Variants in EBF1 observed in about 807,000 individuals in gnomAD.
The protein encoded by EBF1 is transcription factor COE1.
Under a neutral mutation model 68.4 loss-of-function variants are expected in EBF1, and 10 were observed. That is an observed-to-expected ratio of 0.15 (90% confidence interval 0.09 to 0.25). The LOEUF (loss-of-function observed/expected upper bound fraction) is 0.25, where lower values mean the gene tolerates loss of function less well. EBF1 is among the 10% of genes least tolerant of loss of function. The pLI is 1.00. For missense variants in EBF1, 509 were observed against 794.4 expected (o/e 0.64, Z 4.32); for synonymous variants, 298 against 299.8 (o/e 0.99, Z 0.06).
chr5:159,070,175 A>G (rs1414667278), intron 6 of EBF1, among the ~76,000 whole-genome samples: 1 of 152,190 alleles, frequency 6.6e-6, no homozygotes, highest in Non-Finnish European at 1.5e-5. Context: ...AAATATCTGG[A>G]TCACTGAGTG....
At chr5:158,704,396 T>C (rs1298781461) in intron 15 of EBF1, among the ~76,000 whole-genome samples, 1 of 152,154 alleles carries the variant, frequency 6.6e-6, no homozygotes, top group Non-Finnish European at 1.5e-5. Context: ...TGGAGGTAAA[T>C]AGGCCTTGAA....
chr5:158,763,786 G>A (rs1561857726), intron 10 of EBF1, among the ~76,000 whole-genome samples: 1 of 152,130 alleles, frequency 6.6e-6, no homozygotes, highest in Non-Finnish European at 1.5e-5. Context: ...TATTCACAAA[G>A]TAATTAGTAA....
chr5:159,024,063 T>C (rs1023360417), intron 6 of EBF1, among the ~76,000 whole-genome samples: 2 of 152,108 alleles, frequency 1.3e-5, no homozygotes, highest in African/African-American at 4.8e-5. Context: ...CAGAACCTTA[T>C]CTCCTAAGAA....
intron 8 of EBF1, 23 bp downstream of exon 8, chr5:158,823,149 GCCAA>G: frequency 1.9e-6 from 3 of 1,613,722 alleles, no homozygotes; most frequent in Non-Finnish European, 2.5e-6. Flanking sequence ...AAGTAGCAAT[GCCAA>G]CCAATGAAAA....
intron 6 of EBF1, among the ~76,000 whole-genome samples, chr5:158,860,816 T>C (rs1441768154): frequency 6.6e-6 from 1 of 152,184 alleles, no homozygotes; most frequent in Non-Finnish European, 1.5e-5. Flanking sequence ...AAATCCCTTT[T>C]GCCTCAGAAC....
intron 6 of EBF1, among the ~76,000 whole-genome samples, chr5:158,858,429 T>C (rs1025633664): frequency 6.6e-6 from 1 of 152,186 alleles, no homozygotes; most frequent in African/African-American, 2.4e-5. Context: ...TGGATAACAA[T>C]GTCATCATTA....
At chr5:158,814,000 T>A (rs938909154) in intron 8 of EBF1, among the ~76,000 whole-genome samples, 9 of 152,074 alleles carry the variant, frequency 5.9e-5, no homozygotes, top group African/African-American at 2.2e-4. Flanking sequence ...GGCAAATCAA[T>A]GCAATTGGAA....
chr5:158,890,540 T>G (rs943949964), intron 6 of EBF1, among the ~76,000 whole-genome samples: 2 of 152,250 alleles, frequency 1.3e-5, no homozygotes, highest in Non-Finnish European at 2.9e-5. Flanking sequence ...CATACCTCAG[T>G]CATTTCTTTC....
At chr5:158,913,925 C>T (rs1583120527) in intron 6 of EBF1, among the ~76,000 whole-genome samples, 1 of 152,222 alleles carries the variant, frequency 6.6e-6, no homozygotes, top group East Asian at 1.9e-4. Context: ...AAATGAGCAA[C>T]CAGTTATTCA....
chr5:159,016,750 T>A (rs1583966033), intron 6 of EBF1, among the ~76,000 whole-genome samples: 1 of 152,248 alleles, frequency 6.6e-6, no homozygotes, highest in East Asian at 1.9e-4. Context: ...AAGCGTGAGA[T>A]CCATCTTTAG....
rs1418055540 is a variant in EBF1 at position 159,099,386 on chromosome 5, C to T, written c.93G>A (p.Met31Ile). ...GSGMNAVRTW[M>I]QGAGVLDANT... ...TGGCGTCCAGCACCCCGGCGCCCTG[C>T]ATCCACGTCCGCACCGCGTTCATGC... Residue 31 changes from methionine (M) to isoleucine (I), a missense_variant, in exon 1 of 16, where the codon ATG becomes ATA. Met to Ile is a conservative substitution (Grantham distance 10). Transcript: ENST00000313708. 6.3e-7 allele frequency: 1 copy of T among 1,598,480 alleles called. No individual in the cohort carries two copies. The highest frequency in any genetic ancestry group is 1.4e-5 in the African/African-American group (1 of 73,124).
At chr5:158,788,490 T>C (rs989814123) in intron 9 of EBF1, among the ~76,000 whole-genome samples, 15 of 152,288 alleles carry the variant, frequency 9.8e-5, no homozygotes, top group Admixed American at 5.9e-4. Flanking sequence ...AAAAGAAAGG[T>C]TGGAGTCAAG....
intron 11 of EBF1, among the ~76,000 whole-genome samples, chr5:158,720,555 C>A (rs1761723696): frequency 6.6e-6 from 1 of 151,946 alleles, no homozygotes; most frequent in East Asian, 1.9e-4. Flanking sequence ...TTTAGTTTCC[C>A]ATCCTCTGAG....
intron 4 of EBF1, among the ~76,000 whole-genome samples, chr5:159,086,590 T>C (rs952328965): frequency 6.6e-6 from 1 of 152,186 alleles, no homozygotes; most frequent in Non-Finnish European, 1.5e-5. Flanking sequence ...AGTTACATAC[T>C]TCAGGGCAGG....
intron 6 of EBF1, among the ~76,000 whole-genome samples, chr5:158,980,946 T>C (rs1757775474): frequency 6.6e-6 from 1 of 152,186 alleles, no homozygotes; most frequent in African/African-American, 2.4e-5. Context: ...GGCTATAATA[T>C]AATTGCTAAT....
In EBF1 at chr5:159,073,427, C is replaced by T. The variant is rs1318122719; in HGVS notation, c.523G>A (p.Glu175Lys). ...ATTATCACTGGATCTGAGGGAGTCT[C>T]ATTTCGGTTGCCACAGCTTTTCTTG... Reference protein sequence around the residue: ...CDKKSCGNRNETPSDPVIIDR... With the variant: ...CDKKSCGNRNKTPSDPVIIDR... Residue 175 changes from glutamate to lysine, a missense_variant, in exon 6 of 16, where the codon GAG (glutamate) becomes AAG (lysine). By Grantham distance (56) the Glu-to-Lys change is moderately conservative. Around this residue, in one of 3 missense-constraint regions of EBF1, gnomAD observed 230 missense variants for 467.7 expected, o/e 0.49. Coordinates refer to ENST00000313708, the MANE Select transcript of EBF1 (RefSeq NM_024007.5). The T allele has an allele frequency of 6.2e-7, 1 of 1,613,992 alleles. No homozygotes were observed. The highest frequency in any genetic ancestry group is 8.5e-7 in the Non-Finnish European group (1 of 1,179,966).
intron 2 of EBF1, 155 bp from the exon 3 acceptor site, chr5:159,096,561 C>A (rs955950576): frequency 6.6e-6 from 5 of 756,930 alleles, no homozygotes; most frequent in Admixed American, 2.3e-5. Context: ...CAATTGTGAT[C>A]CCTCCTCCGC....
intron 6 of EBF1, among the ~76,000 whole-genome samples, chr5:158,980,590 C>T (rs1235268521): frequency 6.6e-6 from 1 of 152,154 alleles, no homozygotes; most frequent in African/African-American, 2.4e-5. Flanking sequence ...ATCAACCCCC[C>T]GCAAGCTGTT....
chr5:159,006,185 G>A (rs1763504333), intron 6 of EBF1, among the ~76,000 whole-genome samples: 1 of 152,170 alleles, frequency 6.6e-6, no homozygotes, highest in Admixed American at 6.5e-5. Flanking sequence ...TCCCCATCAA[G>A]AGAAAACTGC....
Sources: gnomAD v4.1 joint callset for allele counts (sites outside exome capture counted in the v4.1 genomes callset) on GRCh38, gnomAD v4.1.1 for gene constraint, gnomAD v4.1.1 regional missense constraint, MANE v1.5 for transcripts, NCBI Gene and HGNC (gene_info 2026-07-23, HGNC 2026-07-21) for gene names.